Variants in TSGA10 observed in about 807,000 individuals in gnomAD.
TSGA10 encodes testis-specific gene 10 protein.
TSGA10 carries 43 observed loss-of-function variants against 96.6 expected under a neutral mutation model. The ratio of observed to expected loss-of-function variants is 0.44; its 90% CI spans 0.35 to 0.57. The LOEUF (loss-of-function observed/expected upper bound fraction) is 0.57, where lower values mean the gene tolerates loss of function less well. TSGA10 is among the 20% of genes least tolerant of loss of function. The pLI, the probability that TSGA10 is intolerant of heterozygous loss-of-function variation, is 0.01. For missense variants in TSGA10, 703 were observed against 834.4 expected (o/e 0.84, Z 1.94); for synonymous variants, 229 against 269.9 (o/e 0.85, Z 1.48).
chr2:99,097,924 G>A (rs1281839813), intron 10 of TSGA10, among the ~76,000 whole-genome samples: 2 of 151,766 alleles, frequency 1.3e-5, no homozygotes, highest in Non-Finnish European at 1.5e-5. Context: ...CACACAAAGA[G>A]GTAAGAAATA....
intron 3 of TSGA10, 120 bp from the exon 4 acceptor site, chr2:99,117,879 T>C (rs1474725319): frequency 3.6e-6 from 1 of 275,718 alleles, no homozygotes. Flanking sequence ...CTTAACTCTA[T>C]ACCTTTTTGT....
rs182208545 is a variant in TSGA10 at position 99,146,721 on chromosome 2, T to C, written c.-621+7972A>G. Among the ~76,000 whole-genome samples the C allele has an allele frequency of 8.3e-4, 126 of 152,204 alleles. 2 individuals carry two copies. The highest frequency in any genetic ancestry group is 2.9e-3 in the Admixed American group (44 of 15,278). ...TCAGCTCACTGCAACCTCCACCCCC[T>C]GGGTTCAAGCGATTCTCCTGCCTCA... On this transcript the variant is annotated intron_variant, in intron 1 of 20. Coordinates refer to ENST00000393483, the MANE Select transcript of TSGA10 (RefSeq NM_025244.4).
intron 18 of TSGA10, among the ~76,000 whole-genome samples, chr2:99,019,719 A>C (rs971824166): frequency 1.3e-5 from 2 of 152,178 alleles, no homozygotes; most frequent in Non-Finnish European, 2.9e-5. Flanking sequence ...TAATAGAAAA[A>C]AAATTCACTA....
chr2:99,126,704 C>A lies in TSGA10; in HGVS notation c.-492+344G>T, dbSNP rs1574586865. The A allele has an allele frequency of 3.6e-5, 6 of 166,424 alleles. No individual in the cohort carries two copies. In the South Asian group the frequency reaches 8.4e-4, roughly 23 times the overall value. 10.3% of individuals were successfully genotyped at this position (166,424 alleles called of 1,614,324 possible). On this transcript the variant is annotated intron_variant, in intron 2 of 20. Coordinates refer to ENST00000393483, the MANE Select transcript of TSGA10 (RefSeq NM_025244.4). ...GGCTAACACGGGAGTTTGGAGAAATCGTAGTTCTGTCACTTGTTACTCAAG... is the reference window on the plus strand; with the variant it reads ...GGCTAACACGGGAGTTTGGAGAAATAGTAGTTCTGTCACTTGTTACTCAAG...
chr2:99,093,622 T>A, intron 10 of TSGA10, among the ~76,000 whole-genome samples: 2 of 149,008 alleles, frequency 1.3e-5, no homozygotes, highest in Non-Finnish European at 1.5e-5. Context: ...ATGCAGAAAA[T>A]CAAATCAAGA....
chr2:99,098,128 T>C (rs1198062585), intron 10 of TSGA10, among the ~76,000 whole-genome samples: 1 of 152,016 alleles, frequency 6.6e-6, no homozygotes, highest in African/African-American at 2.4e-5. Flanking sequence ...TTTAAAGCTT[T>C]ACATGTTTCT....
At chr2:99,051,627 C>G (rs762526571) in intron 16 of TSGA10, among the ~76,000 whole-genome samples, 1 of 152,026 alleles carries the variant, frequency 6.6e-6, no homozygotes, top group Non-Finnish European at 1.5e-5. Flanking sequence ...ATAAACCAAT[C>G]AGGCCTAGAA....
chr2:99,085,429 AC>A (rs1213108979), intron 10 of TSGA10, among the ~76,000 whole-genome samples: 3 of 151,000 alleles, frequency 2.0e-5, no homozygotes, highest in African/African-American at 7.3e-5. Flanking sequence ...ACATAGGAAG[AC>A]CCCCATCTCT....
At chr2:99,147,716 G>A (rs1328343272) in intron 1 of TSGA10, among the ~76,000 whole-genome samples, 4 of 152,196 alleles carry the variant, frequency 2.6e-5, no homozygotes, top group African/African-American at 9.6e-5. Flanking sequence ...ATAATAATAT[G>A]TAGAACAACT....
intron 14 of TSGA10, 108 bp downstream of exon 14, chr2:99,071,598 G>T: frequency 9.9e-7 from 1 of 1,010,162 alleles, no homozygotes; most frequent in Non-Finnish European, 1.4e-6. Flanking sequence ...AAAAAGAAAA[G>T]GCTAGTTCCA....
intron 1 of TSGA10, among the ~76,000 whole-genome samples, chr2:99,143,227 C>T (rs1287423281): frequency 2.0e-5 from 3 of 150,422 alleles, no homozygotes; most frequent in South Asian, 2.1e-4. Context: ...CTGCAACCTC[C>T]GCCTCCCGGG....
At chr2:99,029,023 C>T (rs1201275509) in intron 17 of TSGA10, among the ~76,000 whole-genome samples, 1 of 152,004 alleles carries the variant, frequency 6.6e-6, no homozygotes, top group Non-Finnish European at 1.5e-5. Flanking sequence ...TATTTTGCAA[C>T]TATGCAAAAG....
At chr2:99,098,347 G>A (rs1239333850) in intron 10 of TSGA10, among the ~76,000 whole-genome samples, 1 of 150,142 alleles carries the variant, frequency 6.7e-6, no homozygotes, top group Non-Finnish European at 1.5e-5. Context: ...GCTGAGGCAG[G>A]AGAATGGCAT....
At chr2:99,005,475 A>G (rs1300361389) in intron 20 of TSGA10, among the ~76,000 whole-genome samples, 1 of 152,226 alleles carries the variant, frequency 6.6e-6, no homozygotes, top group African/African-American at 2.4e-5. Context: ...TGCAAAAATC[A>G]CAAGCATTCT....
At chr2:99,069,804 T>G (rs1436483507) in intron 14 of TSGA10, among the ~76,000 whole-genome samples, 1 of 152,088 alleles carries the variant, frequency 6.6e-6, no homozygotes, top group South Asian at 2.1e-4. Flanking sequence ...AATAATAGTA[T>G]ATCTACATAG....
At chr2:99,041,126 G>A (rs1031972572) in intron 16 of TSGA10, among the ~76,000 whole-genome samples, 3 of 152,140 alleles carry the variant, frequency 2.0e-5, no homozygotes, top group African/African-American at 7.2e-5. Flanking sequence ...AGCAAATTGG[G>A]TATCAGTTTA....
At chr2:99,096,374 A>G (rs1490934165) in intron 10 of TSGA10, among the ~76,000 whole-genome samples, 4 of 152,226 alleles carry the variant, frequency 2.6e-5, no homozygotes, top group Non-Finnish European at 5.9e-5. Context: ...ATGGCATGAA[A>G]CATCTCGGAG....
intron 1 of TSGA10, among the ~76,000 whole-genome samples, chr2:99,128,525 T>C (rs535246589): frequency 1.3e-5 from 2 of 152,336 alleles, no homozygotes; most frequent in Non-Finnish European, 2.9e-5. Flanking sequence ...TGAATGCAGA[T>C]TCTTATTTAC....
intron 16 of TSGA10, among the ~76,000 whole-genome samples, chr2:99,064,574 G>C (rs1168094310): frequency 6.6e-6 from 1 of 152,214 alleles, no homozygotes; most frequent in African/African-American, 2.4e-5. Flanking sequence ...AAAAGGATGA[G>C]AGAAGTTTTA....
Sources: allele counts gnomAD v4.1 joint callset (sites outside exome capture counted in the v4.1 genomes callset), GRCh38; gene constraint gnomAD v4.1.1; transcripts MANE v1.5; gene names NCBI Gene and HGNC (gene_info 2026-07-23, HGNC 2026-07-21).